The following GRIP1 variants were observed in gnomAD, a reference collection of about 807,000 sequenced individuals.
GRIP1 encodes the protein glutamate receptor interacting protein 1.
Under a neutral mutation model 129.9 loss-of-function variants are expected in GRIP1, and 45 were observed. The observed-to-expected ratio is 0.35, with a 90% confidence interval of 0.27 to 0.44. The LOEUF (loss-of-function observed/expected upper bound fraction) is 0.44. Ranked by LOEUF, GRIP1 falls within the 20% of genes least tolerant of loss-of-function variation. GRIP1 has a pLI of 1.00. For missense variants in GRIP1, 1,196 were observed against 1,396.8 expected, an observed-to-expected ratio of 0.86 and a Z score of 2.29; for synonymous variants, 530 against 520.8, an observed-to-expected ratio of 1.02 and a Z score of -0.24.
At chr12:66,524,182 T>C (rs1230490285) in intron 5 of GRIP1, among the ~76,000 whole-genome samples, 2 of 152,140 alleles carry the variant, frequency 1.3e-5, no homozygotes, top group Non-Finnish European at 2.9e-5. Context: ...GTGGACCTAA[T>C]AGACATCTAC....
At chr12:66,368,171 G>A (rs994751693) in intron 23 of GRIP1, among the ~76,000 whole-genome samples, 10 of 152,306 alleles carry the variant, frequency 6.6e-5, no homozygotes, top group African/African-American at 2.4e-4. Context: ...TCAGAAGATG[G>A]AAGGTGAGCC....
intron 1 of GRIP1, among the ~76,000 whole-genome samples, chr12:66,939,649 AAAGAGTCATGCC>A (rs2041551402): frequency 6.7e-6 from 1 of 150,186 alleles, no homozygotes. Flanking sequence ...TCTAGCTACA[AAAGAGTCATGCC>A]ATCTTTTACT....
At chr12:66,526,234 C>CA (rs925519293) in intron 5 of GRIP1, among the ~76,000 whole-genome samples, 8 of 149,980 alleles carry the variant, frequency 5.3e-5, no homozygotes, top group Non-Finnish European at 1.0e-4. Context: ...AATCCTAAGC[C>CA]AAAAAAACAA....
At chr12:66,907,935 T>C (rs766508049) in intron 1 of GRIP1, among the ~76,000 whole-genome samples, 11 of 152,080 alleles carry the variant, frequency 7.2e-5, no homozygotes, top group East Asian at 1.9e-4. Flanking sequence ...AAGAACAGTG[T>C]TGGATTGCCC....
At chr12:66,750,182 G>A (rs1244432691) in intron 1 of GRIP1, among the ~76,000 whole-genome samples, 1 of 152,126 alleles carries the variant, frequency 6.6e-6, no homozygotes, top group Non-Finnish European at 1.5e-5. Context: ...AATTCCACCT[G>A]TCAAGCATTT....
chr12:66,983,105 C>T lies in GRIP1; in HGVS notation c.58+85945G>A, dbSNP rs759547623. On this transcript the variant is annotated intron_variant, in intron 1 of 1. Transcript: ENST00000643019. ...CATCTTATATCCATGAGCACAAAAC[C>T]TATATGAACTTGGGTCCCTTATGGC... 3.6e-4 allele frequency among the ~76,000 whole-genome samples: 55 copies of T among 152,116 alleles called. 1 individual carries two copies. The highest frequency in any genetic ancestry group is 6.8e-4 in the Non-Finnish European group (46 of 68,034).
In GRIP1 at chr12:66,392,429, G is replaced by C; in HGVS notation, c.2343C>G (p.Asp781Glu). ...HLSDLGDVEE[D>E]SSPAQKPGKL... is the part of the protein sequence containing the mutation. ...TGCCTGGCTTCTGTGCTGGTGAGGA[G>C]TCCTCCTCCACATCCCCCAGGTCAC... Residue 781 changes from aspartate (D) to glutamate (E), a missense_variant, in exon 19 of 25, where the codon GAC (aspartate) becomes GAG (glutamate). Physicochemically the swap from Asp to Glu is conservative, Grantham distance 45. Coordinates refer to ENST00000359742, the MANE Select transcript of GRIP1 (RefSeq NM_001366722.1). The C allele has an allele frequency of 6.2e-7, 1 of 1,613,970 alleles. No individual in the cohort carries two copies. Among genetic ancestry groups the C allele is most frequent in the Non-Finnish European group, 8.5e-7 (1 of 1,179,876 alleles).
chr12:66,707,503 T>TAA (rs58564255), intron 1 of GRIP1, among the ~76,000 whole-genome samples: 745 of 63,874 alleles, frequency 0.012, 13 homozygotes, highest in Non-Finnish European at 0.014. Context: ...AATCACTGAC[T>TAA]AAAAAAAAAA....
intron 1 of GRIP1, among the ~76,000 whole-genome samples, chr12:67,006,661 G>A (rs183722742): frequency 1.8e-4 from 28 of 152,318 alleles, no homozygotes; most frequent in African/African-American, 5.1e-4. Context: ...ATGCACCTAC[G>A]AGGCTACTGG....
At chr12:67,060,805 C>T (rs1480399176) in intron 1 of GRIP1, among the ~76,000 whole-genome samples, 1 of 105,602 alleles carries the variant, frequency 9.5e-6, no homozygotes, top group South Asian at 3.1e-4. Flanking sequence ...GCCTGGGCAA[C>T]AAGAACGAAA....
intron 1 of GRIP1, among the ~76,000 whole-genome samples, chr12:66,802,027 C>CT (rs2038873906): frequency 6.6e-6 from 1 of 152,140 alleles, no homozygotes. Context: ...CTCTTTAATG[C>CT]TTTTCTACAG....
intron 1 of GRIP1, among the ~76,000 whole-genome samples, chr12:67,025,596 T>C (rs2042931249): frequency 6.6e-6 from 1 of 152,204 alleles, no homozygotes; most frequent in Non-Finnish European, 1.5e-5. Flanking sequence ...CATATGTTCA[T>C]TACCTTTAGT....
chr12:66,777,650 G>A (rs1489400776), intron 1 of GRIP1, among the ~76,000 whole-genome samples: 1 of 152,110 alleles, frequency 6.6e-6, no homozygotes, highest in African/African-American at 2.4e-5. Context: ...CACATAGTAG[G>A]TTGTCAATAA....
intron 1 of GRIP1, among the ~76,000 whole-genome samples, chr12:66,981,078 GCTC>G (rs1424339043): frequency 6.6e-6 from 1 of 152,160 alleles, no homozygotes; most frequent in Non-Finnish European, 1.5e-5. Flanking sequence ...AGTAATCGAA[GCTC>G]CTATTTATGT....
At chr12:66,859,260 A>AAAAAAAAC (rs1165081869) in intron 1 of GRIP1, among the ~76,000 whole-genome samples, 2 of 68,240 alleles carry the variant, frequency 2.9e-5, no homozygotes, top group African/African-American at 7.7e-5. Context: ...ACATTTTCTG[A>AAAAAAAAC]AAAAAAACAA....
At chr12:67,020,499 C>T (rs2042849731) in intron 1 of GRIP1, among the ~76,000 whole-genome samples, 1 of 152,130 alleles carries the variant, frequency 6.6e-6, no homozygotes, top group Non-Finnish European at 1.5e-5. Context: ...TCTTGGACTC[C>T]TGGGCTCAAG....
chr12:66,517,771 T>C (rs894223248), intron 6 of GRIP1, 130 bp downstream of exon 6: 9 of 696,032 alleles, frequency 1.3e-5, no homozygotes, highest in Non-Finnish European at 2.3e-5. Flanking sequence ...GACTCTCAAT[T>C]TTCACATTGT....
intron 8 of GRIP1, among the ~76,000 whole-genome samples, chr12:66,463,995 A>G (rs1022699266): frequency 1.3e-5 from 2 of 152,134 alleles, no homozygotes; most frequent in African/African-American, 4.8e-5. Context: ...ACCACAATGG[A>G]GATGTAGACT....
chr12:66,849,791 A>G (rs2039879348), intron 1 of GRIP1, among the ~76,000 whole-genome samples: 1 of 152,208 alleles, frequency 6.6e-6, no homozygotes. Flanking sequence ...CCTGAAAGAA[A>G]CAAAATATTT....
Sources: allele counts gnomAD v4.1 joint callset (sites outside exome capture counted in the v4.1 genomes callset), GRCh38; gene constraint gnomAD v4.1.1; transcripts MANE v1.5; gene names NCBI Gene and HGNC (gene_info 2026-07-23, HGNC 2026-07-21).